The following HYAL4 variants were observed in gnomAD, a reference collection of about 807,000 sequenced individuals.
HYAL4 encodes the protein hyaluronidase-4.
HYAL4 carries 37 observed loss-of-function variants against 35.2 expected under a neutral mutation model. That is an observed-to-expected ratio of 1.05 (90% CI 0.81 to 1.38). The LOEUF (loss-of-function observed/expected upper bound fraction) is 1.38, where lower values mean the gene tolerates loss of function less well. Among genes scored for constraint, HYAL4 ranks in the 40% most tolerant of loss-of-function variants. The pLI, the probability that HYAL4 is intolerant of heterozygous loss-of-function variation, is 0.00. For synonymous variants in HYAL4, 198 were observed against 203.2 expected (o/e 0.97, Z 0.22); for missense variants, 572 against 572.4 (o/e 1.00, Z 0.01).
the HYAL4 span, among the ~76,000 whole-genome samples, chr7:123,771,778 C>T: frequency 1.4e-5 from 2 of 142,230 alleles, no homozygotes; most frequent in African/African-American, 5.2e-5. Context: ...GTTTTCTTTG[C>T]TTGTTTTTTG....
the HYAL4 span, among the ~76,000 whole-genome samples, chr7:123,817,231 C>G: frequency 2.0e-5 from 3 of 152,144 alleles, no homozygotes; most frequent in Admixed American, 2.0e-4. Context: ...ATTAGCATAA[C>G]ATCCTCGGTT....
intron 2 of HYAL4, among the ~76,000 whole-genome samples, chr7:123,851,137 C>T (rs944461776): frequency 1.3e-5 from 2 of 152,200 alleles, no homozygotes; most frequent in African/African-American, 4.8e-5. Context: ...ACACAGTTCT[C>T]ACACCATGTG....
At chr7:123,808,831 CT>C in the HYAL4 span, among the ~76,000 whole-genome samples, 1 of 152,142 alleles carries the variant, frequency 6.6e-6, no homozygotes, top group Non-Finnish European at 1.5e-5. Context: ...GTTGGAGCAC[CT>C]TTTCACTGTT....
chr7:123,821,304 A>T, the HYAL4 span, among the ~76,000 whole-genome samples: 1 of 152,158 alleles, frequency 6.6e-6, no homozygotes, highest in African/African-American at 2.4e-5. Context: ...ATTTCTCTAC[A>T]ACTTCAACAC....
At chr7:123,862,028 T>C (rs752605031) in intron 2 of HYAL4, among the ~76,000 whole-genome samples, 3 of 152,278 alleles carry the variant, frequency 2.0e-5, no homozygotes, top group Middle Eastern at 3.4e-3. Flanking sequence ...TTGCAGAGCA[T>C]TGATGTTTCA....
upstream of HYAL4, among the ~76,000 whole-genome samples, chr7:123,824,013 G>A (rs1805765241): frequency 6.6e-6 from 1 of 152,024 alleles, no homozygotes; most frequent in Non-Finnish European, 1.5e-5. Context: ...TATAAAAATA[G>A]CAATCTCTTT....
At chr7:123,824,133 C>T (rs1284077006), upstream of HYAL4, among the ~76,000 whole-genome samples, 2 of 152,110 alleles carry the variant, frequency 1.3e-5, no homozygotes, top group Admixed American at 6.6e-5. Context: ...AGCTGTGTGA[C>T]CTTGATCAAG....
intron 1 of HYAL4, among the ~76,000 whole-genome samples, chr7:123,846,152 G>C (rs1806168490): frequency 6.6e-6 from 1 of 152,220 alleles, no homozygotes; most frequent in African/African-American, 2.4e-5. Context: ...ACTTTGAAGA[G>C]AGCATCAGCT....
At chr7:123,783,687 TGGG>T in the HYAL4 span, among the ~76,000 whole-genome samples, 8 of 152,062 alleles carry the variant, frequency 5.3e-5, no homozygotes, top group Non-Finnish European at 1.0e-4. Flanking sequence ...GTTAGGGTGA[TGGG>T]GGGCAAATAT....
the HYAL4 span, among the ~76,000 whole-genome samples, chr7:123,808,180 G>T: frequency 1.3e-5 from 2 of 151,938 alleles, no homozygotes; most frequent in African/African-American, 4.8e-5. Context: ...TGGTATATAT[G>T]TAAACCTTTG....
At chr7:123,850,087 T>C (rs1158777437) in intron 2 of HYAL4, among the ~76,000 whole-genome samples, 1 of 151,624 alleles carries the variant, frequency 6.6e-6, no homozygotes, top group African/African-American at 2.4e-5. Flanking sequence ...GTTAGAATCA[T>C]TGTTACTTGA....
the HYAL4 span, among the ~76,000 whole-genome samples, chr7:123,804,623 C>G: frequency 6.6e-6 from 1 of 151,998 alleles, no homozygotes; most frequent in Non-Finnish European, 1.5e-5. Context: ...GTTCCCATCA[C>G]ATATATTCCC....
chr7:123,809,807 C>T, the HYAL4 span, among the ~76,000 whole-genome samples: 1 of 152,140 alleles, frequency 6.6e-6, no homozygotes. Flanking sequence ...TAGTTGTGTT[C>T]TCTCTCACCT....
At chr7:123,827,525 T>C (rs183323882), upstream of HYAL4, among the ~76,000 whole-genome samples, 5 of 152,230 alleles carry the variant, frequency 3.3e-5, no homozygotes, top group African/African-American at 7.2e-5. Context: ...TATTGTGTCT[T>C]TCTTAGAAAC....
At chr7:123,817,429 C>G in the HYAL4 span, among the ~76,000 whole-genome samples, 1 of 151,948 alleles carries the variant, frequency 6.6e-6, no homozygotes, top group African/African-American at 2.4e-5. Flanking sequence ...ATCATCATTT[C>G]TCACCGAACA....
At chr7:123,777,879 G>T in the HYAL4 span, among the ~76,000 whole-genome samples, 1 of 149,104 alleles carries the variant, frequency 6.7e-6, no homozygotes, top group South Asian at 2.1e-4. Flanking sequence ...CTTCTAAAAT[G>T]AGAAATTTAA....
At chr7:123,825,443 A>G (rs1041464443), upstream of HYAL4, among the ~76,000 whole-genome samples, 4 of 152,150 alleles carry the variant, frequency 2.6e-5, no homozygotes, top group African/African-American at 4.8e-5. Flanking sequence ...TATAATCAAA[A>G]CTTTCATAGT....
chr7:123,833,174 T>TTGTA (rs1389242525), intron 1 of HYAL4, among the ~76,000 whole-genome samples: 8 of 152,222 alleles, frequency 5.3e-5, no homozygotes, highest in African/African-American at 1.9e-4. Context: ...TCCATAGTGA[T>TTGTA]TGTACTAGGT....
chr7:123,874,614 C>T (rs1344736604), intron 3 of HYAL4, 147 bp from the exon 4 acceptor site: 5 of 554,372 alleles, frequency 9.0e-6, no homozygotes, highest in Non-Finnish European at 1.6e-5. Flanking sequence ...ACTGTGTTGA[C>T]CAGGCTGGTC....
Sources: allele counts gnomAD v4.1 joint callset (sites outside exome capture counted in the v4.1 genomes callset), GRCh38; gene constraint gnomAD v4.1.1; transcripts MANE v1.5; gene names NCBI Gene and HGNC (gene_info 2026-07-23, HGNC 2026-07-21).